The following KANK1 variants were observed in gnomAD, a reference collection of about 807,000 sequenced individuals.
The protein encoded by KANK1 is KN motif and ankyrin repeat domain-containing protein 1.
In KANK1, 109 loss-of-function variants were observed where a neutral mutation model predicts 106.2. That is an observed-to-expected ratio of 1.03 (90% confidence interval 0.88 to 1.20). The LOEUF (loss-of-function observed/expected upper bound fraction) is 1.20. KANK1 is among the 50% of genes most tolerant of loss of function. The probability of loss-of-function intolerance (pLI) is 0.00; values close to 1 mark genes in which losing one functional copy is unlikely to be tolerated. For synonymous variants in KANK1, 873 were observed against 652.2 expected, an observed-to-expected ratio of 1.34 and a Z score of -5.16; for missense variants, 2,399 against 1,710.7, an observed-to-expected ratio of 1.40 and a Z score of -7.10.
chr9:676,522 G>A (rs917913792), intron 1 of KANK1, among the ~76,000 whole-genome samples: 2 of 152,140 alleles, frequency 1.3e-5, no homozygotes, highest in African/African-American at 4.8e-5. Context: ...TGAACTTTTT[G>A]AACCAGAATT....
At chr9:561,871 G>T (rs1223268890) in intron 1 of KANK1, among the ~76,000 whole-genome samples, 1 of 152,172 alleles carries the variant, frequency 6.6e-6, no homozygotes, top group East Asian at 1.9e-4. Context: ...GACGTTTTCT[G>T]TATTCAGAAA....
At chr9:714,003 C>G (rs1314825125) in intron 3 of KANK1, among the ~76,000 whole-genome samples, 2 of 152,140 alleles carry the variant, frequency 1.3e-5, no homozygotes, top group Non-Finnish European at 2.9e-5. Flanking sequence ...ACTCTAGAGG[C>G]TGAGGCGGGA....
intron 2 of KANK1, among the ~76,000 whole-genome samples, chr9:708,632 A>T (rs937483159): frequency 6.6e-6 from 1 of 152,164 alleles, no homozygotes; most frequent in Non-Finnish European, 1.5e-5. Context: ...ATGGAAGCAG[A>T]AGTGTTCTTC....
chr9:706,085 G>A (rs909277609), intron 2 of KANK1, among the ~76,000 whole-genome samples: 2 of 152,056 alleles, frequency 1.3e-5, no homozygotes, highest in African/African-American at 4.8e-5. Context: ...ATGACACCGG[G>A]TAGTTTTATT....
intron 3 of KANK1, among the ~76,000 whole-genome samples, chr9:483,019 G>A (rs114761987): frequency 0.011 from 1,617 of 152,134 alleles, 40 homozygotes; most frequent in African/African-American, 0.037. Flanking sequence ...GTCAACTGTC[G>A]CAGCATCACA....
chr9:549,948 C>T (rs2061172736), intron 1 of KANK1, among the ~76,000 whole-genome samples: 1 of 152,010 alleles, frequency 6.6e-6, no homozygotes, highest in Non-Finnish European at 1.5e-5. Context: ...GGGCAGTGGT[C>T]AGAAAGTTCC....
intron 1 of KANK1, among the ~76,000 whole-genome samples, chr9:616,868 A>G (rs1831963564): frequency 6.6e-6 from 1 of 152,196 alleles, no homozygotes; most frequent in Non-Finnish European, 1.5e-5. Context: ...TCTTCCTGGA[A>G]GTGAGACATG....
At chr9:486,293 G>C (rs1401865985) in intron 3 of KANK1, among the ~76,000 whole-genome samples, 1 of 152,198 alleles carries the variant, frequency 6.6e-6, no homozygotes, top group Admixed American at 6.5e-5. Flanking sequence ...GTGTAACTCT[G>C]AATTTGATTT....
At position 742,351 on chromosome 9, in the gene KANK1, G is replaced by C. The variant is rs1835848179; in HGVS notation, c.3843G>C (p.Glu1281Asp). ...GTGCCAGCGAGCACGGACACGTGGA[G>C]ATTGTCAAGCTGCTGCTGGCCCAGC... The part of the protein sequence containing the change: ...LMCASEHGHV[E>D]IVKLLLAQPG... The change falls in exon 10 of 12, where the codon GAG (glutamate) becomes GAC (aspartate). Residue 1281 changes from glutamate (E) to aspartate (D), a missense_variant. Transcript: ENST00000382297. The C allele has an allele frequency of 1.7e-5, 27 of 1,614,154 alleles. No homozygotes were observed. Among genetic ancestry groups the C allele is most frequent in the Non-Finnish European group, 2.3e-5 (27 of 1,180,032 alleles).
At chr9:642,793 T>C (rs542116283) in intron 1 of KANK1, among the ~76,000 whole-genome samples, 16 of 149,862 alleles carry the variant, frequency 1.1e-4, no homozygotes, top group Non-Finnish European at 2.1e-4. Context: ...AGTGAGCTGC[T>C]TCTATAGATG....
chr9:709,042 G>T (rs540013357), intron 2 of KANK1, among the ~76,000 whole-genome samples: 3 of 152,318 alleles, frequency 2.0e-5, no homozygotes, highest in East Asian at 1.9e-4. Context: ...TGATCCAGTG[G>T]TTGGAGTATG....
At chr9:698,821 G>A (rs1159780082) in intron 2 of KANK1, among the ~76,000 whole-genome samples, 3 of 152,192 alleles carry the variant, frequency 2.0e-5, no homozygotes, top group African/African-American at 7.2e-5. Context: ...AATGGAGAAT[G>A]CTGAGGAGAA....
chr9:716,703 C>A (rs1415365561), intron 3 of KANK1, among the ~76,000 whole-genome samples: 1 of 152,106 alleles, frequency 6.6e-6, no homozygotes, highest in Non-Finnish European at 1.5e-5. Flanking sequence ...TTTTTAGCAG[C>A]ATCATAATGC....
upstream of KANK1, among the ~76,000 whole-genome samples, chr9:502,087 G>C (rs2058564649): frequency 1.3e-5 from 2 of 152,214 alleles, no homozygotes; most frequent in African/African-American, 4.8e-5. Flanking sequence ...TTAAGTGAAA[G>C]AAGCTAGTAG....
chr9:668,736 TC>T (rs1845236902), intron 1 of KANK1, among the ~76,000 whole-genome samples: 2 of 152,164 alleles, frequency 1.3e-5, no homozygotes, highest in South Asian at 4.1e-4. Flanking sequence ...AGATAAGCAG[TC>T]CCCAGTCTGT....
At chr9:585,138 C>T (rs1301783411) in intron 1 of KANK1, among the ~76,000 whole-genome samples, 2 of 152,196 alleles carry the variant, frequency 1.3e-5, no homozygotes, top group Non-Finnish European at 2.9e-5. Flanking sequence ...TCAGTGTCTT[C>T]TTCCATGTCC....
chr9:645,785 A>G (rs1839540462), intron 1 of KANK1, among the ~76,000 whole-genome samples: 1 of 150,708 alleles, frequency 6.6e-6, no homozygotes, highest in Admixed American at 6.6e-5. Flanking sequence ...GCCAGCTGAG[A>G]TCGTGCCACT....
At chr9:596,600 A>T (rs939805961) in intron 1 of KANK1, among the ~76,000 whole-genome samples, 7 of 151,766 alleles carry the variant, frequency 4.6e-5, no homozygotes, top group African/African-American at 1.5e-4. Context: ...CGGGATTCAG[A>T]AGATGCCCGT....
At chr9:556,434 C>G (rs1013101352) in intron 1 of KANK1, among the ~76,000 whole-genome samples, 1 of 152,146 alleles carries the variant, frequency 6.6e-6, no homozygotes, top group Non-Finnish European at 1.5e-5. Context: ...CAGCCAGATC[C>G]AGATCTTAGT....
Sources: allele counts gnomAD v4.1 joint callset (sites outside exome capture counted in the v4.1 genomes callset), GRCh38; gene constraint gnomAD v4.1.1; transcripts MANE v1.5; gene names NCBI Gene and HGNC (gene_info 2026-07-23, HGNC 2026-07-21).